STMN2: variants seen among roughly 807,000 people sequenced by gnomAD.
STMN2 encodes the protein stathmin 2, also known as stathmin-2.
A neutral mutation model predicts 24.1 loss-of-function variants in STMN2; 2 were observed. The ratio of observed to expected loss-of-function variants is 0.08; its 90% CI spans 0.03 to 0.26. The LOEUF is 0.26. STMN2 is among the 10% of genes least tolerant of loss of function. STMN2 has a pLI of 1.00. For missense variants in STMN2, 114 were observed against 213.6 expected, an observed-to-expected ratio of 0.53 and a Z score of 2.91; for synonymous variants, 83 against 77.5, an observed-to-expected ratio of 1.07 and a Z score of -0.37.
intron 1 of STMN2, among the ~76,000 whole-genome samples, chr8:79,626,735 C>T (rs561628492): frequency 9.9e-5 from 15 of 152,158 alleles, no homozygotes; most frequent in Non-Finnish European, 2.1e-4. Context: ...CTGCTAACTG[C>T]GACACACACT....
chr8:79,629,745 G>A (rs1201259416), intron 1 of STMN2, among the ~76,000 whole-genome samples: 4 of 152,076 alleles, frequency 2.6e-5, no homozygotes, highest in Non-Finnish European at 5.9e-5. Context: ...ACTGCCTTAA[G>A]TACAATTTGT....
intron 1 of STMN2, chr8:79,613,743 C>T: frequency 4.1e-6 from 4 of 985,396 alleles, no homozygotes; most frequent in Non-Finnish European, 3.6e-6. Flanking sequence ...GCCCTCATCC[C>T]TTTCCCCCAC....
chr8:79,640,073 G>A (rs1474332111), intron 2 of STMN2, among the ~76,000 whole-genome samples: 1 of 152,134 alleles, frequency 6.6e-6, no homozygotes, highest in Admixed American at 6.5e-5. Flanking sequence ...GGTGGTAAGC[G>A]CCTGTAGTCC....
At chr8:79,632,239 A>G (rs908977971) in intron 1 of STMN2, among the ~76,000 whole-genome samples, 8 of 152,158 alleles carry the variant, frequency 5.3e-5, no homozygotes, top group Non-Finnish European at 1.0e-4. Flanking sequence ...GTAAGCTTCA[A>G]ATAAAGTGCT....
intron 3 of STMN2, among the ~76,000 whole-genome samples, chr8:79,641,846 ATATTGAATCCCCT>A (rs1396589710): frequency 6.6e-6 from 1 of 152,076 alleles, no homozygotes; most frequent in Non-Finnish European, 1.5e-5. Flanking sequence ...CCCTTCCCGT[ATATTGAATCCCCT>A]TATTATAAAA....
chr8:79,639,297 C>T (rs1454122892), intron 2 of STMN2, among the ~76,000 whole-genome samples: 1 of 152,076 alleles, frequency 6.6e-6, no homozygotes, highest in Non-Finnish European at 1.5e-5. Context: ...AGATGTTTAG[C>T]CTGGGGGAAC....
At chr8:79,645,441 G>A (rs1810197535) in intron 3 of STMN2, among the ~76,000 whole-genome samples, 1 of 152,072 alleles carries the variant, frequency 6.6e-6, no homozygotes, top group African/African-American at 2.4e-5. Flanking sequence ...AGTAGCCAAA[G>A]GCAGCCAGTA....
chr8:79,640,090 C>G (rs1189034283), intron 2 of STMN2, among the ~76,000 whole-genome samples: 2 of 152,210 alleles, frequency 1.3e-5, no homozygotes, highest in Admixed American at 1.3e-4. Context: ...GTCCCAGCTA[C>G]TCAGGAGGCT....
intron 3 of STMN2, 52 bp from the exon 4 acceptor site, chr8:79,654,819 T>C: frequency 6.3e-7 from 1 of 1,575,442 alleles, no homozygotes; most frequent in Non-Finnish European, 8.6e-7. Flanking sequence ...GCCGTTATTC[T>C]GCTAGGTTTG....
intron 4 of STMN2, among the ~76,000 whole-genome samples, chr8:79,660,863 C>G (rs1419168912): frequency 6.6e-6 from 1 of 152,048 alleles, no homozygotes; most frequent in Non-Finnish European, 1.5e-5. Context: ...TCTTTGCATA[C>G]TCATAGCTTA....
intron 1 of STMN2, among the ~76,000 whole-genome samples, chr8:79,625,460 T>A (rs1021746407): frequency 6.6e-6 from 1 of 152,166 alleles, no homozygotes; most frequent in Non-Finnish European, 1.5e-5. Context: ...GCACCAGGAT[T>A]TGAAACAAAT....
In STMN2 at chr8:79,629,587, G is replaced by A. The variant is rs147920362; in HGVS notation, c.20-7215G>A. Among the ~76,000 whole-genome samples, 11 of 152,288 alleles carry A rather than the reference G, an allele frequency of 7.2e-5. No homozygotes were observed. The East Asian group carries it at 1.9e-3, about 27-fold the overall frequency. On this transcript the variant is annotated intron_variant, in intron 1 of 4. Transcript: ENST00000220876. ...CACACTGCGCATTTTACAAAATTTC[G>A]TTGAAGGACACTGGATATTCTTTTT...
intron 4 of STMN2, among the ~76,000 whole-genome samples, chr8:79,656,875 T>C (rs928452254): frequency 5.3e-5 from 8 of 150,574 alleles, no homozygotes; most frequent in East Asian, 1.9e-4. Flanking sequence ...CCTCCTTTTT[T>C]GTTTGTTTGT....
chr8:79,658,782 A>G (rs945103431), intron 4 of STMN2, among the ~76,000 whole-genome samples: 1 of 152,218 alleles, frequency 6.6e-6, no homozygotes, highest in Non-Finnish European at 1.5e-5. Flanking sequence ...AATGTCACTG[A>G]CTGATAAATT....
chr8:79,626,953 T>C (rs1182190458), intron 1 of STMN2, among the ~76,000 whole-genome samples: 1 of 152,122 alleles, frequency 6.6e-6, no homozygotes, highest in African/African-American at 2.4e-5. Context: ...TCCAAGGCCC[T>C]TGTGAAGGAA....
Position 79,611,167 on chromosome 8 carries a change from C to A in STMN2, c.-29C>A. 6.2e-7 allele frequency: 1 copy of A among 1,614,030 alleles called. No individual in the cohort carries two copies. Among genetic ancestry groups the A allele is most frequent in the Non-Finnish European group, 8.5e-7 (1 of 1,180,030 alleles). On this transcript the variant is annotated 5_prime_UTR_variant, in exon 1 of 5. Transcript: ENST00000220876. Reference sequence around the variant, plus strand: ...GCTGTAGCCGGACCCTTTGCCTTCGCCACTGCTCAGCGTCTGCACATCCCT... The same window carrying A: ...GCTGTAGCCGGACCCTTTGCCTTCGACACTGCTCAGCGTCTGCACATCCCT...
intron 4 of STMN2, among the ~76,000 whole-genome samples, chr8:79,663,282 T>G (rs1031594137): frequency 1.3e-5 from 2 of 152,064 alleles, no homozygotes; most frequent in African/African-American, 4.8e-5. Context: ...ATTAAGAGAG[T>G]GAGCTGTAGA....
In STMN2 at chr8:79,611,125, C is replaced by A; in HGVS notation, c.-71C>A. 2 of 1,606,200 alleles carry A rather than the reference C, an allele frequency of 1.2e-6. No homozygotes were observed. The highest frequency in any genetic ancestry group is 2.2e-5 in the South Asian group (2 of 90,410). On this transcript the variant is annotated 5_prime_UTR_variant, in exon 1 of 5. Transcript: ENST00000220876. ...GACTCAGTGCCTTATTCAGTCTTCT[C>A]TCTCGCTCTCTCCGCTGCTGTAGCC...
At position 79,663,761 on chromosome 8, in the gene STMN2, A is replaced by G. The variant is rs7840271; in HGVS notation, c.481-1054A>G. The G allele has an allele frequency of 1.9e-3, 1,817 of 973,132 alleles. 21 individuals carry two copies. In the African/African-American group the frequency reaches 0.026, roughly 14 times the overall value. 60.3% of individuals were successfully genotyped at this position (973,132 alleles called of 1,614,324 possible). Reference sequence around the variant, plus strand: ...TTATTTAGCGCCTATGATATATGCAAGACAGTTTGATTTTAGTCATCTGAT... The same window carrying G: ...TTATTTAGCGCCTATGATATATGCAGGACAGTTTGATTTTAGTCATCTGAT... On this transcript the variant is annotated intron_variant, in intron 4 of 4. Transcript: ENST00000220876.
Sources: gnomAD v4.1 joint callset for allele counts (sites outside exome capture counted in the v4.1 genomes callset) on GRCh38, gnomAD v4.1.1 for gene constraint, MANE v1.5 for transcripts, NCBI Gene and HGNC (gene_info 2026-07-23, HGNC 2026-07-21) for gene names.